Variants in RERE observed in about 807,000 individuals in gnomAD.
The protein encoded by RERE is arginine-glutamic acid dipeptide repeats protein.
Under a neutral mutation model 146.1 loss-of-function variants are expected in RERE, and 40 were observed. The observed-to-expected ratio is 0.27, with a 90% CI of 0.21 to 0.36. The LOEUF is 0.36. Among genes scored for constraint, RERE ranks in the 10% least tolerant of loss-of-function variants. The pLI is 1.00. For synonymous variants in RERE, 1,003 were observed against 866.0 expected, an observed-to-expected ratio of 1.16 and a Z score of -2.78; for missense variants, 1,933 against 2,138.7, an observed-to-expected ratio of 0.90 and a Z score of 1.90.
intron 1 of RERE, among the ~76,000 whole-genome samples, chr1:8,672,626 T>C (rs1427938800): frequency 1.3e-5 from 2 of 152,182 alleles, no homozygotes; most frequent in African/African-American, 4.8e-5. Flanking sequence ...AAAAGGAAAC[T>C]ATGAAAAAGC....
intron 1 of RERE, among the ~76,000 whole-genome samples, chr1:8,804,691 T>G (rs1445549764): frequency 6.6e-6 from 1 of 152,192 alleles, no homozygotes; most frequent in African/African-American, 2.4e-5. Context: ...CTTTTGCCTT[T>G]TCCTCCTTCC....
chr1:8,355,963 A>AC (rs1641273686), intron 21 of RERE, 137 bp downstream of exon 21: 2 of 878,874 alleles, frequency 2.3e-6, no homozygotes, highest in South Asian at 2.2e-5. Context: ...TCCCCCACGG[A>AC]CCCCCTGCAT....
chr1:8,704,025 C>T lies in RERE; in HGVS notation c.-144-47584G>A, dbSNP rs115023934. 7.4e-3 allele frequency among the ~76,000 whole-genome samples: 1,134 copies of T among 152,252 alleles called. 14 individuals carry two copies. Among genetic ancestry groups the T allele is most frequent in the African/African-American group, 0.026 (1,085 of 41,534 alleles). ...TAAATTGTGCATGATTGAAATTCAT[C>T]TAATAAGGAAGCAAAATAAGTGCAC... On this transcript the variant is annotated intron_variant, in intron 1 of 22. Transcript: ENST00000400908.
intron 1 of RERE, among the ~76,000 whole-genome samples, chr1:8,757,618 A>G (rs1046163050): frequency 6.3e-5 from 9 of 143,064 alleles, no homozygotes; most frequent in Non-Finnish European, 1.3e-4. Context: ...CTGATAGAAC[A>G]TTGTAGTTAA....
At chr1:8,727,052 C>T (rs995331290) in intron 1 of RERE, among the ~76,000 whole-genome samples, 15 of 152,148 alleles carry the variant, frequency 9.9e-5, no homozygotes, top group African/African-American at 2.4e-4. Context: ...GTGATCCACC[C>T]GCCTTTGGCT....
intron 1 of RERE, among the ~76,000 whole-genome samples, chr1:8,700,723 CCTAGA>C (rs1480780356): frequency 1.3e-5 from 2 of 152,042 alleles, no homozygotes; most frequent in African/African-American, 4.8e-5. Context: ...ACAAACTAAT[CCTAGA>C]CTAGTTAACA....
intron 4 of RERE, among the ~76,000 whole-genome samples, chr1:8,581,608 A>G (rs1346082694): frequency 6.6e-6 from 1 of 152,226 alleles, no homozygotes; most frequent in Non-Finnish European, 1.5e-5. Context: ...ATCCATCTCA[A>G]ATTAATGTAT....
At chr1:8,676,810 G>T (rs1474367268) in intron 1 of RERE, among the ~76,000 whole-genome samples, 1 of 152,174 alleles carries the variant, frequency 6.6e-6, no homozygotes, top group Non-Finnish European at 1.5e-5. Flanking sequence ...GCAGTTCTGT[G>T]AATCTTTTTC....
intron 1 of RERE, chr1:8,750,289 A>G (rs1401059189): frequency 7.3e-6 from 4 of 544,988 alleles, no homozygotes; most frequent in Non-Finnish European, 1.3e-5. Flanking sequence ...ATGCTTCAAT[A>G]TCAAGGTAAC....
At chr1:8,625,160 T>C (rs909148750) in intron 2 of RERE, among the ~76,000 whole-genome samples, 1 of 152,054 alleles carries the variant, frequency 6.6e-6, no homozygotes. Flanking sequence ...TTTTGTTTTG[T>C]TTTGGCTGGT....
chr1:8,748,069 C>T (rs1357045255), intron 1 of RERE, among the ~76,000 whole-genome samples: 2 of 152,140 alleles, frequency 1.3e-5, no homozygotes, highest in African/African-American at 4.8e-5. Flanking sequence ...TGAGCCACCA[C>T]GCCCGGCCAT....
intron 12 of RERE, among the ~76,000 whole-genome samples, chr1:8,389,553 C>T (rs779837095): frequency 6.6e-6 from 1 of 152,062 alleles, no homozygotes; most frequent in African/African-American, 2.4e-5. Flanking sequence ...TTTACAACAA[C>T]ACAAAAAAGG....
intron 4 of RERE, among the ~76,000 whole-genome samples, chr1:8,562,408 G>A (rs1646089172): frequency 6.6e-6 from 1 of 152,192 alleles, no homozygotes; most frequent in Non-Finnish European, 1.5e-5. Context: ...AGCTTCCTGT[G>A]TGAAAGCACC....
chr1:8,473,857 TATC>T (rs2124156839), intron 10 of RERE, among the ~76,000 whole-genome samples: 1 of 152,314 alleles, frequency 6.6e-6, no homozygotes, highest in African/African-American at 2.4e-5. Context: ...TGTACAGTGG[TATC>T]ATCATGGGGA....
chr1:8,545,195 T>C (rs1172349735), intron 6 of RERE, among the ~76,000 whole-genome samples: 2 of 152,214 alleles, frequency 1.3e-5, no homozygotes, highest in Non-Finnish European at 2.9e-5. Flanking sequence ...GTATACTCTG[T>C]ATCTAAAGCA....
intron 4 of RERE, among the ~76,000 whole-genome samples, chr1:8,596,919 C>G (rs905424185): frequency 1.3e-5 from 2 of 152,112 alleles, no homozygotes; most frequent in Non-Finnish European, 2.9e-5. Context: ...AAGTACAAAT[C>G]CCCCTGACCT....
intron 12 of RERE, among the ~76,000 whole-genome samples, chr1:8,394,755 A>G (rs922829592): frequency 6.6e-6 from 1 of 152,196 alleles, no homozygotes; most frequent in Non-Finnish European, 1.5e-5. Flanking sequence ...TAAGAAAAAA[A>G]TACGTTAACT....
At chr1:8,692,860 T>C (rs1057290157) in intron 1 of RERE, among the ~76,000 whole-genome samples, 4 of 152,128 alleles carry the variant, frequency 2.6e-5, no homozygotes, top group Non-Finnish European at 5.9e-5. Flanking sequence ...CATTTAAAAA[T>C]CTAATTAGAT....
intron 1 of RERE, among the ~76,000 whole-genome samples, chr1:8,782,617 C>T (rs1641185791): frequency 6.6e-6 from 1 of 152,120 alleles, no homozygotes; most frequent in Admixed American, 6.6e-5. Context: ...CCAAAGTAAG[C>T]TCAAGAGGCC....
Sources: allele counts gnomAD v4.1 joint callset (sites outside exome capture counted in the v4.1 genomes callset), GRCh38; gene constraint gnomAD v4.1.1; transcripts MANE v1.5; gene names NCBI Gene and HGNC (gene_info 2026-07-23, HGNC 2026-07-21).